The following WDR59 variants were observed in gnomAD, a reference collection of about 807,000 sequenced individuals.
WDR59 encodes WD repeat domain 59, also known as GATOR2 complex protein WDR59.
A neutral mutation model predicts 131.2 loss-of-function variants in WDR59; 100 were observed. The ratio of observed to expected loss-of-function variants is 0.76; its 90% CI spans 0.65 to 0.90. WDR59 has a LOEUF of 0.90. Ranked by LOEUF, WDR59 falls within the 40% of genes least tolerant of loss-of-function variation. The probability of loss-of-function intolerance (pLI) is 0.00; values close to 1 mark genes in which losing one functional copy is unlikely to be tolerated. For missense variants in WDR59, 1,203 were observed against 1,262.2 expected (o/e 0.95, Z 0.71); for synonymous variants, 601 against 466.2 (o/e 1.29, Z -3.72).
At chr16:74,928,024 C>T (rs2031019346) in intron 8 of WDR59, among the ~76,000 whole-genome samples, 1 of 150,782 alleles carries the variant, frequency 6.6e-6, no homozygotes, top group African/African-American at 2.4e-5. Context: ...TCTCCTGCCT[C>T]AGCCTCCCGA....
Position 74,888,297 on chromosome 16 carries a change from G to A in WDR59, c.2218C>T (p.Arg740Trp), listed in dbSNP as rs761154451. 7 of 1,613,522 alleles carry A rather than the reference G, an allele frequency of 4.3e-6. No individual in the cohort carries two copies. The highest frequency in any genetic ancestry group is 3.3e-5 in the South Asian group (3 of 90,998). ...AGCATCGCCAGTGTCTGAACATCCCGGAGCCGGCAATAGTGAGCCAACCTG... is the reference window on the plus strand; with the variant it reads ...AGCATCGCCAGTGTCTGAACATCCCAGAGCCGGCAATAGTGAGCCAACCTG... ...ESLLAHYCRL[R>W]DVQTLAMLCS... Residue 740 changes from arginine to tryptophan, a missense_variant, in exon 22 of 26, where the codon CGG becomes TGG. Transcript: ENST00000262144.
At chr16:74,976,180 T>C (rs544157767) in intron 1 of WDR59, among the ~76,000 whole-genome samples, 56 of 152,276 alleles carry the variant, frequency 3.7e-4, no homozygotes, top group African/African-American at 1.3e-3. Flanking sequence ...AGATTATTAA[T>C]TACTTATAAT....
At chr16:74,943,898 G>T (rs568520211) in intron 6 of WDR59, among the ~76,000 whole-genome samples, 1 of 152,316 alleles carries the variant, frequency 6.6e-6, no homozygotes, top group East Asian at 1.9e-4. Context: ...TGTCTGTCTT[G>T]TTCTTTCTTG....
intron 8 of WDR59, among the ~76,000 whole-genome samples, chr16:74,936,242 C>T (rs747473467): frequency 6.6e-6 from 1 of 152,022 alleles, no homozygotes; most frequent in Non-Finnish European, 1.5e-5. Context: ...GGACATCAAC[C>T]CTCAAGGAAA....
intron 2 of WDR59, among the ~76,000 whole-genome samples, chr16:74,962,329 A>G (rs946231519): frequency 1.3e-5 from 2 of 152,070 alleles, no homozygotes; most frequent in Non-Finnish European, 1.5e-5. Context: ...AAGAATGTCA[A>G]TGGTAGTTTA....
chr16:74,950,930 TGGG>T (rs1298854832), intron 4 of WDR59, among the ~76,000 whole-genome samples: 1 of 148,138 alleles, frequency 6.8e-6, no homozygotes, highest in Non-Finnish European at 1.5e-5. Context: ...CCAAGGCAGG[TGGG>T]TCACTTCAAG....
At chr16:74,911,608 T>C (rs909690392) in intron 14 of WDR59, among the ~76,000 whole-genome samples, 4 of 152,236 alleles carry the variant, frequency 2.6e-5, no homozygotes, top group African/African-American at 9.6e-5. Context: ...TGCCAGGCTG[T>C]GGTGCCTCCA....
chr16:74,956,062 A>AG (rs1164962778), intron 3 of WDR59, among the ~76,000 whole-genome samples: 2 of 152,132 alleles, frequency 1.3e-5, no homozygotes, highest in African/African-American at 4.8e-5. Context: ...ATAGAAGGGT[A>AG]GGGGGAGTCT....
chr16:74,921,037 G>T (rs1014480567), intron 10 of WDR59, among the ~76,000 whole-genome samples: 2 of 152,010 alleles, frequency 1.3e-5, no homozygotes, highest in East Asian at 1.9e-4. Context: ...CACTATACAT[G>T]TTCCATATAA....
intron 1 of WDR59, 114 bp downstream of exon 1, chr16:74,984,850 C>T: frequency 1.4e-6 from 2 of 1,473,328 alleles, no homozygotes; most frequent in Non-Finnish European, 1.8e-6. Context: ...CGCCCACCTC[C>T]TCAGTACGGG....
chr16:74,977,411 G>A (rs192867729), intron 1 of WDR59, among the ~76,000 whole-genome samples: 6 of 152,070 alleles, frequency 3.9e-5, no homozygotes, highest in Admixed American at 1.3e-4. Context: ...CAATGCAGCC[G>A]GGCGCGGTGG....
intron 11 of WDR59, among the ~76,000 whole-genome samples, chr16:74,917,682 G>A (rs925484326): frequency 2.0e-5 from 3 of 151,772 alleles, no homozygotes; most frequent in South Asian, 2.1e-4. Flanking sequence ...GTTGGTGGGC[G>A]CCTATAATCC....
In WDR59 at chr16:74,934,783, A is replaced by AT. The variant is rs567614799; in HGVS notation, c.651+3366dup. Among the ~76,000 whole-genome samples, 456 of 152,110 alleles carry AT rather than the reference A, an allele frequency of 3.0e-3. 2 individuals carry two copies. Among genetic ancestry groups the AT allele is most frequent in the African/African-American group, 0.01 (428 of 41,516 alleles). ...GGCAAGACAGTGAAACAAAATATAT[A>AT]TTTGTTCTTTATATATAGATATATA... On this transcript the variant is annotated intron_variant, in intron 8 of 25. Transcript: ENST00000262144.
At chr16:74,874,871 G>A (rs182771260) in intron 25 of WDR59, among the ~76,000 whole-genome samples, 7 of 152,240 alleles carry the variant, frequency 4.6e-5, no homozygotes, top group South Asian at 2.1e-4. Context: ...GATTATAGGC[G>A]TGAGCCACTG....
chr16:74,908,040 T>G (rs1485038006), intron 17 of WDR59, among the ~76,000 whole-genome samples: 1 of 152,180 alleles, frequency 6.6e-6, no homozygotes, highest in Non-Finnish European at 1.5e-5. Context: ...AGAAAAATAA[T>G]GACTAGACAG....
chr16:74,907,892 G>A (rs1254166215), intron 17 of WDR59, among the ~76,000 whole-genome samples: 7 of 152,232 alleles, frequency 4.6e-5, no homozygotes, highest in Non-Finnish European at 1.0e-4. Flanking sequence ...TGAAGGAACT[G>A]AAGCTGAAGT....
At chr16:74,958,860 C>G (rs1027000622) in intron 2 of WDR59, among the ~76,000 whole-genome samples, 1 of 151,442 alleles carries the variant, frequency 6.6e-6, no homozygotes, top group Non-Finnish European at 1.5e-5. Flanking sequence ...GTCAGGAGTT[C>G]GAGACTAGCC....
intron 1 of WDR59, among the ~76,000 whole-genome samples, chr16:74,977,217 C>G (rs1267016881): frequency 6.6e-6 from 1 of 150,716 alleles, no homozygotes; most frequent in Non-Finnish European, 1.5e-5. Flanking sequence ...ACTCCAGCCA[C>G]AGTAACAGCG....
chr16:74,973,357 T>C (rs1437637310), intron 1 of WDR59, among the ~76,000 whole-genome samples: 1 of 152,148 alleles, frequency 6.6e-6, no homozygotes, highest in East Asian at 1.9e-4. Context: ...TGGAGCACAG[T>C]GGCGTTGCAG....
Sources: gnomAD v4.1 joint callset for allele counts (sites outside exome capture counted in the v4.1 genomes callset) on GRCh38, gnomAD v4.1.1 for gene constraint, MANE v1.5 for transcripts, NCBI Gene and HGNC (gene_info 2026-07-23, HGNC 2026-07-21) for gene names.